The following TBC1D10A variants were observed in gnomAD, a reference collection of about 807,000 sequenced individuals.
TBC1D10A encodes EBP50-PDX interactor of 64 kDa.
A neutral mutation model predicts 52.9 loss-of-function variants in TBC1D10A; 24 were observed. The observed-to-expected ratio is 0.45, with a 90% CI of 0.33 to 0.64. The LOEUF (loss-of-function observed/expected upper bound fraction) is 0.64, where lower values mean the gene tolerates loss of function less well. TBC1D10A is among the 30% of genes least tolerant of loss of function. TBC1D10A has a pLI of 0.02. For missense variants in TBC1D10A, 602 were observed against 687.9 expected, an observed-to-expected ratio of 0.88 and a Z score of 1.40; for synonymous variants, 278 against 282.9, an observed-to-expected ratio of 0.98 and a Z score of 0.17.
At chr22:30,303,744 AG>A (rs1365633137) in intron 2 of TBC1D10A, among the ~76,000 whole-genome samples, 2 of 152,232 alleles carry the variant, frequency 1.3e-5, no homozygotes, top group Non-Finnish European at 2.9e-5. Flanking sequence ...CCTAGCTGTA[AG>A]GCTCGGAACA....
intron 3 of TBC1D10A, 93 bp downstream of exon 3, chr22:30,299,349 CTG>C: frequency 8.0e-7 from 1 of 1,247,284 alleles, no homozygotes; most frequent in Non-Finnish European, 1.2e-6. Context: ...ACTGCTCATC[CTG>C]TGAGGTTCAG....
intron 6 of TBC1D10A, among the ~76,000 whole-genome samples, chr22:30,294,341 G>T (rs779601489): frequency 6.6e-6 from 1 of 152,184 alleles, no homozygotes; most frequent in Admixed American, 6.5e-5. Flanking sequence ...GCTAGGGGAG[G>T]GGGAGGAGGC....
intron 2 of TBC1D10A, 80 bp from the exon 3 acceptor site, chr22:30,299,631 G>C (rs1930159192): frequency 7.5e-7 from 1 of 1,329,702 alleles, no homozygotes. Context: ...AATGCGTGGT[G>C]GGCCCTCAGT....
intron 1 of TBC1D10A, among the ~76,000 whole-genome samples, chr22:30,306,835 T>G (rs1930319436): frequency 6.6e-6 from 1 of 152,222 alleles, no homozygotes; most frequent in African/African-American, 2.4e-5. Context: ...GCTCTCTAAC[T>G]GCAGGTAGAT....
At chr22:30,325,712 T>G (rs13053595) in intron 1 of TBC1D10A, among the ~76,000 whole-genome samples, 30,627 of 152,006 alleles carry the variant, frequency 0.2, 3,344 homozygotes, top group Middle Eastern at 0.35. Flanking sequence ...CTGCCCCACA[T>G]TTCTCTGTCT....
intron 1 of TBC1D10A, among the ~76,000 whole-genome samples, chr22:30,316,252 G>A (rs754765483): frequency 2.0e-5 from 3 of 152,154 alleles, no homozygotes; most frequent in Non-Finnish European, 4.4e-5. Context: ...TTGGGAGGCA[G>A]AGGCAGGAAG....
intron 1 of TBC1D10A, among the ~76,000 whole-genome samples, chr22:30,311,931 C>T (rs530785465): frequency 6.6e-6 from 1 of 152,240 alleles, no homozygotes; most frequent in African/African-American, 2.4e-5. Context: ...TAGCTGGGAC[C>T]ATAGGCTCAT....
chr22:30,325,376 A>G (rs998840161), intron 1 of TBC1D10A, among the ~76,000 whole-genome samples: 6 of 152,238 alleles, frequency 3.9e-5, no homozygotes, highest in Non-Finnish European at 8.8e-5. Flanking sequence ...AAGCGCTTCC[A>G]TAAGTCATGA....
chr22:30,322,289 G>C (rs1190228228), intron 1 of TBC1D10A, among the ~76,000 whole-genome samples: 1 of 151,996 alleles, frequency 6.6e-6, no homozygotes, highest in Non-Finnish European at 1.5e-5. Context: ...CCCTTCCTGG[G>C]CTTCAATGCC....
At chr22:30,313,587 G>A (rs1930474377) in intron 1 of TBC1D10A, among the ~76,000 whole-genome samples, 2 of 114,834 alleles carry the variant, frequency 1.7e-5, no homozygotes, top group South Asian at 5.6e-4. Flanking sequence ...TTTTTTAGCA[G>A]AGACGGGGTT....
chr22:30,304,683 T>TG, intron 1 of TBC1D10A, 53 bp from the exon 2 acceptor site: 1 of 1,597,354 alleles, frequency 6.3e-7, no homozygotes, highest in Non-Finnish European at 8.5e-7. Context: ...GCAAAGGCCC[T>TG]GGCTTCATTC....
intron 1 of TBC1D10A, among the ~76,000 whole-genome samples, chr22:30,310,532 G>C (rs1930403279): frequency 6.6e-6 from 1 of 152,266 alleles, no homozygotes; most frequent in South Asian, 2.1e-4. Flanking sequence ...AGGGCTGGCT[G>C]CTTTGCTCTC....
In TBC1D10A at chr22:30,297,113, C is replaced by G. The variant is rs772176754; in HGVS notation, c.418-1270G>C. The G allele has an allele frequency of 6.6e-6, 1 of 152,308 alleles. No individual in the cohort carries two copies. The highest frequency in any genetic ancestry group is 1.5e-5 in the Non-Finnish European group (1 of 68,084). The allele number at this position is 152,308 out of a possible 1,614,324, so 9.4% of individuals were successfully genotyped here. On this transcript the variant is annotated intron_variant, in intron 3 of 8. Transcript: ENST00000215790. This position sits in a 1 kb window ranked among gnomAD's most constrained non-coding sequence, Gnocchi z 4.3. Reference sequence around the variant, plus strand: ...TCAGTGGGAGTGTCCTAGCATTAAGCTCAAGAACCTAGGGTGCCAGGAACT... The same window carrying G: ...TCAGTGGGAGTGTCCTAGCATTAAGGTCAAGAACCTAGGGTGCCAGGAACT...
intron 2 of TBC1D10A, among the ~76,000 whole-genome samples, chr22:30,300,246 G>A (rs1930173908): frequency 6.6e-6 from 1 of 151,720 alleles, no homozygotes; most frequent in Non-Finnish European, 1.5e-5. Flanking sequence ...TCAGGAGTTC[G>A]AGACCAGCCT....
chr22:30,326,815 G>A lies in TBC1D10A; in HGVS notation c.67C>T (p.Arg23Trp), dbSNP rs754818989. 8 of 1,478,316 alleles carry A rather than the reference G, an allele frequency of 5.4e-6. No homozygotes were observed. The South Asian group carries it at 7.9e-5, about 15-fold the overall frequency. 91.6% of individuals were successfully genotyped at this position (1,478,316 alleles called of 1,614,324 possible). A position where few individuals can be genotyped will look rare whatever the true frequency, so the allele number is the denominator to read the frequency against. ...TCGGGGCCCTGGGCCAGGCTCTCCC[G>A]GGTTCCCGACAGGCTTTCCCCGGCC... Reference protein sequence around the residue: ...PAAGESLSGTRESLAQGPDAA... With the variant: ...PAAGESLSGTWESLAQGPDAA... Residue 23 changes from arginine to tryptophan, a missense_variant, in exon 1 of 9, where the codon CGG (arginine) becomes TGG (tryptophan). Arg to Trp is a moderately radical substitution (Grantham distance 101). Transcript: ENST00000215790.
At chr22:30,302,086 C>T (rs780395453) in intron 2 of TBC1D10A, among the ~76,000 whole-genome samples, 2 of 152,192 alleles carry the variant, frequency 1.3e-5, no homozygotes, top group South Asian at 4.1e-4. Flanking sequence ...TGGAACACTT[C>T]GCGGGCAGCA....
At chr22:30,324,059 G>A (rs1471163338) in intron 1 of TBC1D10A, among the ~76,000 whole-genome samples, 1 of 152,154 alleles carries the variant, frequency 6.6e-6, no homozygotes, top group Non-Finnish European at 1.5e-5. Flanking sequence ...AAGGTAGCCT[G>A]TGACCTGCTT....
intron 6 of TBC1D10A, 125 bp from the exon 7 acceptor site, chr22:30,294,235 G>A: frequency 1.9e-6 from 2 of 1,053,876 alleles, no homozygotes; most frequent in Non-Finnish European, 2.7e-6. Context: ...CAGGGTGTCT[G>A]CCTCTGCCAG....
At chr22:30,313,841 A>C (rs1201126308) in intron 1 of TBC1D10A, among the ~76,000 whole-genome samples, 2 of 152,058 alleles carry the variant, frequency 1.3e-5, no homozygotes, top group Non-Finnish European at 2.9e-5. Flanking sequence ...AACTTGATAA[A>C]GAGCATTCCC....
Sources: gnomAD v4.1 joint callset for allele counts (sites outside exome capture counted in the v4.1 genomes callset) on GRCh38, gnomAD v4.1.1 for gene constraint, Gnocchi (gnomAD v3.1) non-coding constraint, MANE v1.5 for transcripts, NCBI Gene and HGNC (gene_info 2026-07-23, HGNC 2026-07-21) for gene names.